The following ARPC2 variants were observed in gnomAD, a reference collection of about 807,000 sequenced individuals.
ARPC2 encodes actin related protein 2/3 complex subunit 2, also known as actin-related protein 2/3 complex subunit 2.
In ARPC2, 4 loss-of-function variants were observed where a neutral mutation model predicts 38.6. That is an observed-to-expected ratio of 0.10 (90% CI 0.05 to 0.24). ARPC2 has a LOEUF of 0.24. Among genes scored for constraint, ARPC2 ranks in the 10% least tolerant of loss-of-function variants. The pLI, the probability that ARPC2 is intolerant of heterozygous loss-of-function variation, is 1.00. For synonymous variants in ARPC2, 125 were observed against 140.8 expected (o/e 0.89, Z 0.79); for missense variants, 229 against 387.3 (o/e 0.59, Z 3.43).
intron 2 of ARPC2, 129 bp from the exon 3 acceptor site, chr2:218,225,791 A>G: frequency 1.3e-6 from 1 of 779,456 alleles, no homozygotes; most frequent in Non-Finnish European, 2.2e-6. Flanking sequence ...GTGTACTCTG[A>G]TTGGCAGTAA....
chr2:218,238,638 G>GTTTTT, intron 5 of ARPC2, 26 bp from the exon 6 acceptor site: 1 of 761,558 alleles, frequency 1.3e-6, no homozygotes, highest in Non-Finnish European at 1.8e-6. Context: ...GTTGTTTTTT[G>GTTTTT]TTTCTTGTTT....
chr2:218,231,360 A>G (rs1456169075), intron 4 of ARPC2, among the ~76,000 whole-genome samples: 1 of 152,218 alleles, frequency 6.6e-6, no homozygotes, highest in East Asian at 1.9e-4. Flanking sequence ...TTTGGCTCTC[A>G]GTACCTCTTA....
At chr2:218,248,723 A>T (rs1690106947) in intron 8 of ARPC2, among the ~76,000 whole-genome samples, 1 of 152,200 alleles carries the variant, frequency 6.6e-6, no homozygotes, top group Non-Finnish European at 1.5e-5. Flanking sequence ...CAGCCTCCCA[A>T]AGTGCTGGGA....
Position 218,249,733 on chromosome 2 carries a change from C to T in ARPC2, c.778-88C>T, listed in dbSNP as rs755067607. 1.9e-4 allele frequency: 242 copies of T among 1,306,162 alleles called. 1 individual carries two copies. Among genetic ancestry groups the T allele is most frequent in the South Asian group, 8.5e-4 (65 of 76,346 alleles). 80.9% of individuals were successfully genotyped at this position (1,306,162 alleles called of 1,614,324 possible). On this transcript the variant is annotated intron_variant, in intron 9 of 10. Transcript: ENST00000315717. Reference sequence around the variant, plus strand: ...CAATCCCAGGGTGTATGTTCCCAACCGCCCTTGATGACCTCTCTGATGAAA... The same window carrying T: ...CAATCCCAGGGTGTATGTTCCCAACTGCCCTTGATGACCTCTCTGATGAAA...
chr2:218,226,367 T>C (rs1467410446), intron 3 of ARPC2, among the ~76,000 whole-genome samples: 6 of 151,744 alleles, frequency 4.0e-5, no homozygotes, highest in Non-Finnish European at 8.8e-5. Flanking sequence ...CGGTAGCTCA[T>C]GCATGTAATC....
chr2:218,234,555 T>C, intron 5 of ARPC2, 158 bp downstream of exon 5: 2 of 629,794 alleles, frequency 3.2e-6, no homozygotes, highest in South Asian at 2.1e-5. Context: ...AAATAGCTTT[T>C]AAGGGGCTTT....
intron 5 of ARPC2, chr2:218,234,884 G>A: frequency 2.2e-6 from 1 of 456,708 alleles, no homozygotes; most frequent in South Asian, 1.5e-5. Flanking sequence ...CATGGCCAGA[G>A]GAATTGAAAG....
chr2:218,227,046 G>A lies in ARPC2; in HGVS notation c.109+1092G>A, dbSNP rs1040990999. The A allele has an allele frequency of 3.9e-5, 18 of 456,454 alleles. No individual in the cohort carries two copies. In the East Asian group the frequency reaches 7.0e-4, roughly 18 times the overall value. The allele number at this position is 456,454 out of a possible 1,614,324, so 28.3% of individuals were successfully genotyped here. A position where few individuals can be genotyped will look rare whatever the true frequency, so the allele number is the denominator to read the frequency against. On this transcript the variant is annotated intron_variant, in intron 3 of 10. Transcript: ENST00000315717. Reference sequence around the variant, plus strand: ...CACCCTTTCTACAACAAGAGTCCTCGACAAGATGATCTTGGAAGACTTTTG... The same window carrying A: ...CACCCTTTCTACAACAAGAGTCCTCAACAAGATGATCTTGGAAGACTTTTG...
chr2:218,249,153 T>C (rs993150237), intron 8 of ARPC2, among the ~76,000 whole-genome samples: 25 of 152,210 alleles, frequency 1.6e-4, no homozygotes, highest in African/African-American at 5.8e-4. Context: ...TTTTTCATCG[T>C]GGGCTCCTCC....
chr2:218,237,713 C>T (rs1689808294), intron 5 of ARPC2, among the ~76,000 whole-genome samples: 1 of 151,948 alleles, frequency 6.6e-6, no homozygotes, highest in African/African-American at 2.4e-5. Flanking sequence ...ATTACAGGCG[C>T]CCGCCACCAT....
At chr2:218,222,836 G>A (rs934076939) in intron 2 of ARPC2, among the ~76,000 whole-genome samples, 3 of 152,150 alleles carry the variant, frequency 2.0e-5, no homozygotes, top group African/African-American at 4.8e-5. Flanking sequence ...GATTGGGGGT[G>A]GGGGTAGATA....
chr2:218,222,163 A>G (rs1689397299), intron 2 of ARPC2, among the ~76,000 whole-genome samples: 1 of 152,174 alleles, frequency 6.6e-6, no homozygotes, highest in Non-Finnish European at 1.5e-5. Flanking sequence ...GCTACTCAGG[A>G]AGCTGAGGCT....
chr2:218,218,572 A>G (rs939271364), intron 2 of ARPC2, among the ~76,000 whole-genome samples: 1 of 152,240 alleles, frequency 6.6e-6, no homozygotes, highest in African/African-American at 2.4e-5. Flanking sequence ...TTCCCTATGT[A>G]TGAGCATGGG....
chr2:218,239,356 T>C (rs747783346), intron 6 of ARPC2, 35 bp from the exon 7 acceptor site: 1 of 1,479,052 alleles, frequency 6.8e-7, no homozygotes, highest in Non-Finnish European at 9.4e-7. Flanking sequence ...CCATTCTGAT[T>C]CTGTACTTAT....
chr2:218,232,254 T>C (rs1386480739), intron 4 of ARPC2, among the ~76,000 whole-genome samples: 1 of 151,988 alleles, frequency 6.6e-6, no homozygotes, highest in African/African-American at 2.4e-5. Flanking sequence ...AAAAAAGAAT[T>C]AATTAAATTA....
rs373495535 is a variant in ARPC2, at chr2:218,219,074, C to T, written c.74+1530C>T. Among the ~76,000 whole-genome samples the T allele has an allele frequency of 1.1e-4, 17 of 152,318 alleles. No homozygotes were observed. In the East Asian group the frequency reaches 3.1e-3, roughly 28 times the overall value. ...TGCATTTTCATAACTGATCTTAATG[C>T]ATTCTCAGGTCCAGACTAGCAAAGA... On this transcript the variant is annotated intron_variant, in intron 2 of 10. Transcript: ENST00000315717.
At chr2:218,230,626 T>C (rs576498576) in intron 4 of ARPC2, among the ~76,000 whole-genome samples, 2 of 152,278 alleles carry the variant, frequency 1.3e-5, no homozygotes, top group East Asian at 1.9e-4. Flanking sequence ...CAGCTATAAC[T>C]ACCTGAAAAG....
intron 3 of ARPC2, among the ~76,000 whole-genome samples, chr2:218,227,597 T>TC (rs1369442601): frequency 6.6e-6 from 1 of 151,838 alleles, no homozygotes; most frequent in Non-Finnish European, 1.5e-5. Flanking sequence ...CGGCTAATTT[T>TC]TTTTTTTTTT....
In ARPC2 at chr2:218,217,554, C is replaced by T; in HGVS notation, c.74+10C>T. On this transcript the variant is annotated intron_variant, in intron 2 of 10. Coordinates refer to ENST00000315717, the MANE Select transcript of ARPC2 (RefSeq NM_152862.3). ...AGAACGCGGCCGCCGGGTGAGCGCG[C>T]GCCCGGGGCCGGGGGTGGCGGGGGA... The T allele has an allele frequency of 1.9e-6, 3 of 1,608,122 alleles. No individual in the cohort carries two copies. The highest frequency in any genetic ancestry group is 1.7e-6 in the Non-Finnish European group (2 of 1,177,132).
Sources: gnomAD v4.1 joint callset for allele counts (sites outside exome capture counted in the v4.1 genomes callset) on GRCh38, gnomAD v4.1.1 for gene constraint, MANE v1.5 for transcripts, NCBI Gene and HGNC (gene_info 2026-07-23, HGNC 2026-07-21) for gene names.